Variants in DMD observed in about 807,000 individuals in gnomAD.
The protein encoded by DMD is mutant dystrophin.
In DMD, 63 loss-of-function variants were observed where a neutral mutation model predicts 330.1. The observed-to-expected ratio is 0.19, with a 90% CI of 0.16 to 0.24. DMD has a LOEUF of 0.24. Among genes scored for constraint, DMD ranks in the 10% least tolerant of loss-of-function variants. The pLI, the probability that DMD is intolerant of heterozygous loss-of-function variation, is 1.00. For synonymous variants in DMD, 1,223 were observed against 959.8 expected (o/e 1.27, Z -5.07); for missense variants, 3,344 against 2,684.1 (o/e 1.25, Z -5.43).
At chrX:32,558,841 G>A (rs1444393162) in intron 16 of DMD, among the ~76,000 whole-genome samples, 1 of 107,773 alleles carries the variant, frequency 9.3e-6, no homozygotes, top group Non-Finnish European at 1.9e-5. Context: ...CTATTGCACT[G>A]ATATACAAGG....
Position 32,240,697 on chromosome X carries a change from G to T in DMD, c.6291-23634C>A, listed in dbSNP as rs183387990. Among the ~76,000 whole-genome samples, 274 of 111,507 alleles carry T rather than the reference G, an allele frequency of 2.5e-3. 1 individual carries two copies. Among genetic ancestry groups the T allele is most frequent in the African/African-American group, 8.2e-3 (252 of 30,680 alleles). On this transcript the variant is annotated intron_variant, in intron 43 of 78. Coordinates refer to ENST00000357033, the MANE Select transcript of DMD (RefSeq NM_004006.3). The stretch of plus-strand genomic sequence containing the variant: ...TGCTGGTCTCACCATTAAATATGTT[G>T]ACTTTAACTTAATCCTGTATTTTCA...
At chrX:32,357,660 T>TGATACACAC (rs1239652030) in intron 37 of DMD, among the ~76,000 whole-genome samples, 1 of 94,844 alleles carries the variant, frequency 1.1e-5, no homozygotes, top group African/African-American at 3.9e-5. Flanking sequence ...CATACACAGA[T>TGATACACAC]ACACACACAC....
intron 1 of DMD, among the ~76,000 whole-genome samples, chrX:33,034,301 C>T (rs2094169164): frequency 9.0e-6 from 1 of 111,539 alleles, no homozygotes; most frequent in African/African-American, 3.3e-5. Context: ...AAGATTTGAT[C>T]ATTCCGAGCG....
chrX:32,536,919 A>C lies in DMD; in HGVS notation c.2168+8240T>G, dbSNP rs184259393. Reference sequence around the variant, plus strand: ...TATCCCTCGGGAGGCTGTAAAAAGCATGGATAAGAGAGGTGAGATCAGAGG... The same window carrying C: ...TATCCCTCGGGAGGCTGTAAAAAGCCTGGATAAGAGAGGTGAGATCAGAGG... On this transcript the variant is annotated intron_variant, in intron 17 of 78. Transcript: ENST00000357033. 3.6e-5 allele frequency among the ~76,000 whole-genome samples: 4 copies of C among 112,332 alleles called. No homozygotes were observed. The East Asian group carries it at 1.1e-3, about 31-fold the overall frequency.
chrX:31,323,586 C>G lies in DMD; in HGVS notation c.9224+12G>C. The G allele has an allele frequency of 8.4e-7, 1 of 1,197,212 alleles. No individual in the cohort carries two copies. ...TAAATGCTCTTTTAAAAATGTGATACTTCCAACTTACTTGATATAGTAGGG... is the reference window on the plus strand; with the variant it reads ...TAAATGCTCTTTTAAAAATGTGATAGTTCCAACTTACTTGATATAGTAGGG... On this transcript the variant is annotated intron_variant, in intron 62 of 78. Transcript: ENST00000357033.
At chrX:33,142,613 T>TC (rs770623740) in intron 1 of DMD, among the ~76,000 whole-genome samples, 15 of 111,860 alleles carry the variant, frequency 1.3e-4, no homozygotes, top group Non-Finnish European at 2.6e-4. Flanking sequence ...GTTCACAGCC[T>TC]CCCCCGAATA....
intron 55 of DMD, chrX:31,508,193 G>A (rs1170206169): frequency 8.5e-7 from 1 of 1,178,155 alleles, no homozygotes; most frequent in South Asian, 1.8e-5. Flanking sequence ...AATTATTATA[G>A]TAGAAGAATC....
chrX:31,420,704 T>C (rs2063322908), intron 60 of DMD, among the ~76,000 whole-genome samples: 1 of 112,415 alleles, frequency 8.9e-6, no homozygotes, highest in Non-Finnish European at 1.9e-5. Context: ...GGTGTCCACA[T>C]TTCTCACTTC....
Position 33,296,775 on chromosome X carries a change from G to A in DMD, c.7+42484C>T, listed in dbSNP as rs376024177. Among the ~76,000 whole-genome samples the A allele has an allele frequency of 1.9e-3, 209 of 110,865 alleles. 1 individual carries two copies. Among genetic ancestry groups the A allele is most frequent in the African/African-American group, 6.6e-3 (202 of 30,781 alleles). On this transcript the variant is annotated intron_variant, in intron 1 of 17. Transcript: ENST00000288447. ...ATACATAGCCCATATGTCAAAGGAA[G>A]ACACAAAAAATAGTTTTAGTACCTG...
At chrX:33,118,203 C>T (rs1482876116) in intron 1 of DMD, among the ~76,000 whole-genome samples, 8 of 106,280 alleles carry the variant, frequency 7.5e-5, no homozygotes, top group Non-Finnish European at 1.4e-4. Flanking sequence ...CTCCGCCTCC[C>T]GGGTTCACGC....
chrX:33,021,437 A>T (rs373424940), intron 1 of DMD, among the ~76,000 whole-genome samples: 2 of 111,581 alleles, frequency 1.8e-5, no homozygotes, highest in South Asian at 7.4e-4. Flanking sequence ...TCTGAGAGAT[A>T]TTTAAAATTG....
intron 67 of DMD, among the ~76,000 whole-genome samples, chrX:31,196,758 T>C (rs1395287416): frequency 1.1e-5 from 1 of 94,387 alleles, no homozygotes; most frequent in East Asian, 3.4e-4. Context: ...GAGGTGGAGG[T>C]TGCAGTGTGC....
intron 61 of DMD, among the ~76,000 whole-genome samples, chrX:31,343,657 CAGAG>C (rs1378212372): frequency 2.2e-5 from 2 of 91,275 alleles, no homozygotes; most frequent in East Asian, 3.5e-4. Context: ...ACGTGCGAGA[CAGAG>C]AGAGAGAGAG....
chrX:32,497,561 CAT>C (rs1223838562), intron 19 of DMD, among the ~76,000 whole-genome samples: 4 of 111,938 alleles, frequency 3.6e-5, no homozygotes, highest in Non-Finnish European at 7.5e-5. Flanking sequence ...GCTACGCCTA[CAT>C]ATGTTTTCAA....
At chrX:32,613,975 G>A (rs995017765) in intron 12 of DMD, among the ~76,000 whole-genome samples, 1 of 110,179 alleles carries the variant, frequency 9.1e-6, no homozygotes, top group Non-Finnish European at 1.9e-5. Flanking sequence ...ACATGGTGGT[G>A]CATGGTGGAG....
chrX:33,005,695 T>C (rs2093381724), intron 2 of DMD, among the ~76,000 whole-genome samples: 1 of 110,419 alleles, frequency 9.1e-6, no homozygotes, highest in African/African-American at 3.3e-5. Context: ...CTCAGGAAGA[T>C]CAGGAACAAG....
chrX:32,775,699 C>T lies in DMD; in HGVS notation c.649+33794G>A, dbSNP rs773650207. On this transcript the variant is annotated intron_variant, in intron 7 of 78. Transcript: ENST00000357033. ...GGGCCTGGCCCACCAAACCATTTTTCCCTTCTAGGCCTCTGGGCCTGTGAT... is the reference window on the plus strand; with the variant it reads ...GGGCCTGGCCCACCAAACCATTTTTTCCTTCTAGGCCTCTGGGCCTGTGAT... Among the ~76,000 whole-genome samples the T allele has an allele frequency of 2.1e-4, 24 of 113,054 alleles. 1 individual carries two copies. Among genetic ancestry groups the T allele is most frequent in the Non-Finnish European group, 3.7e-4 (20 of 53,337 alleles).
chrX:33,166,130 G>A (rs1459347159), intron 1 of DMD, among the ~76,000 whole-genome samples: 2 of 111,361 alleles, frequency 1.8e-5, no homozygotes, highest in Non-Finnish European at 3.8e-5. Flanking sequence ...CAGGTCAAGA[G>A]AGATCTCAGT....
intron 3 of DMD, among the ~76,000 whole-genome samples, chrX:32,846,659 G>A (rs2080697170): frequency 9.8e-6 from 1 of 102,104 alleles, no homozygotes; most frequent in Non-Finnish European, 2.0e-5. Flanking sequence ...GAATGATGTT[G>A]GTTTACATTC....
Sources: allele counts gnomAD v4.1 joint callset (sites outside exome capture counted in the v4.1 genomes callset), GRCh38; gene constraint gnomAD v4.1.1; transcripts MANE v1.5; gene names NCBI Gene and HGNC (gene_info 2026-07-23, HGNC 2026-07-21).